The following RNF220 variants were observed in gnomAD, a reference collection of about 807,000 sequenced individuals.
RNF220 encodes the protein E3 ubiquitin-protein ligase RNF220.
RNF220 carries 7 observed loss-of-function variants against 67.1 expected under a neutral mutation model. The observed-to-expected ratio is 0.10, with a 90% CI of 0.06 to 0.20. RNF220 has a LOEUF of 0.20. RNF220 is among the 10% of genes least tolerant of loss of function. The pLI, the probability that RNF220 is intolerant of heterozygous loss-of-function variation, is 1.00. For missense variants in RNF220, 565 were observed against 740.3 expected (o/e 0.76, Z 2.75); for synonymous variants, 270 against 283.2 (o/e 0.95, Z 0.47).
At chr1:44,520,734 C>T (rs1659867387) in intron 2 of RNF220, among the ~76,000 whole-genome samples, 1 of 152,212 alleles carries the variant, frequency 6.6e-6, no homozygotes, top group African/African-American at 2.4e-5. Context: ...CTGTTTTTCT[C>T]ATCTGTTTCC....
At chr1:44,644,601 A>G in intron 8 of RNF220, 97 bp from the exon 9 acceptor site, 1 of 880,540 alleles carries the variant, frequency 1.1e-6, no homozygotes, top group East Asian at 2.4e-5. Flanking sequence ...TCTGGGCCTT[A>G]TCAGGTCCAA....
At chr1:44,619,880 C>T (rs1320511055) in intron 3 of RNF220, among the ~76,000 whole-genome samples, 1 of 152,066 alleles carries the variant, frequency 6.6e-6, no homozygotes, top group Non-Finnish European at 1.5e-5. Context: ...GGAGGGGGTC[C>T]CTTGCTCAGA....
chr1:44,646,646 C>T (rs571588640), intron 12 of RNF220, among the ~76,000 whole-genome samples: 2 of 152,294 alleles, frequency 1.3e-5, no homozygotes, highest in South Asian at 2.1e-4. Flanking sequence ...TCAGGGATGG[C>T]GCCCGAGGGG....
rs186833590 is a variant in RNF220 at position 44,594,487 on chromosome 1, G to C, written c.626-19678G>C. 2.8e-3 allele frequency among the ~76,000 whole-genome samples: 425 copies of C among 152,342 alleles called. 3 individuals carry two copies. The highest frequency in any genetic ancestry group is 9.6e-3 in the African/African-American group (400 of 41,580). ...GGCCTTGCAGGGAGAGTCTGGGAGA[G>C]CAGGGAGAGCCTGTTCTCAACTAGA... On this transcript the variant is annotated intron_variant, in intron 2 of 14. Coordinates refer to ENST00000361799, the MANE Select transcript of RNF220 (RefSeq NM_018150.4).
At chr1:44,521,876 G>GTGAATGAA (rs144215370) in intron 2 of RNF220, among the ~76,000 whole-genome samples, 15 of 151,938 alleles carry the variant, frequency 9.9e-5, no homozygotes, top group African/African-American at 2.4e-4. Context: ...GAATGAATGA[G>GTGAATGAA]TGAATGAATG....
chr1:44,629,614 G>T (rs75623405), intron 5 of RNF220, among the ~76,000 whole-genome samples: 1,914 of 152,258 alleles, frequency 0.013, 36 homozygotes, highest in African/African-American at 0.044. Context: ...AACGCAAGTG[G>T]ACTGCTTGAG....
At chr1:44,537,915 C>A (rs1039536046) in intron 2 of RNF220, among the ~76,000 whole-genome samples, 3 of 152,238 alleles carry the variant, frequency 2.0e-5, no homozygotes, top group Admixed American at 2.0e-4. Context: ...ATTCCTGGAT[C>A]TTCTTCCCAT....
At chr1:44,647,423 G>A (rs1019761437) in intron 12 of RNF220, among the ~76,000 whole-genome samples, 2 of 152,144 alleles carry the variant, frequency 1.3e-5, no homozygotes, top group African/African-American at 4.8e-5. Flanking sequence ...CCTGCTGTTC[G>A]GAGGCTTGTG....
At chr1:44,567,852 C>T (rs942829816) in intron 2 of RNF220, among the ~76,000 whole-genome samples, 5 of 152,072 alleles carry the variant, frequency 3.3e-5, no homozygotes, top group African/African-American at 9.7e-5. Context: ...AGAGGCTGTG[C>T]GAGTCCCTGC....
At chr1:44,424,537 G>C (rs570128064) in intron 2 of RNF220, among the ~76,000 whole-genome samples, 3 of 152,304 alleles carry the variant, frequency 2.0e-5, no homozygotes, top group African/African-American at 7.2e-5. Context: ...GCAGAAAGGG[G>C]AGTGAGGACT....
intron 2 of RNF220, among the ~76,000 whole-genome samples, chr1:44,544,928 T>C (rs1305105234): frequency 6.6e-6 from 1 of 152,078 alleles, no homozygotes; most frequent in Non-Finnish European, 1.5e-5. Context: ...CACAGGAAAA[T>C]GGTGAGAAGA....
chr1:44,560,419 C>T (rs146641133), intron 2 of RNF220, among the ~76,000 whole-genome samples: 21 of 152,158 alleles, frequency 1.4e-4, no homozygotes, highest in Non-Finnish European at 2.4e-4. Flanking sequence ...GAGGTAGAGT[C>T]GGTGGTGACC....
chr1:44,645,411 G>C lies in RNF220; in HGVS notation c.1368G>C (p.Glu456Asp), dbSNP rs373711880. 32 of 1,613,978 alleles carry C rather than the reference G, an allele frequency of 2.0e-5. No homozygotes were observed. The highest frequency in any genetic ancestry group is 2.1e-5 in the Non-Finnish European group (25 of 1,180,028). ...TGAGTTGCCCCTCTGTCCCAGCAGA[G>C]ATGCCATCCACCAGCAATGGTGAAA... The part of the protein sequence containing the change: ...TPEFSKWASD[E>D]MPSTSNGESS... The change falls in exon 12 of 15, where the codon GAG (glutamate) becomes GAC (aspartate). Residue 456 changes from glutamate to aspartate, a missense_variant and splice_region_variant. Transcript: ENST00000361799. This position sits in a 1 kb window ranked among gnomAD's most constrained non-coding sequence, Gnocchi z 5.0.
intron 2 of RNF220, among the ~76,000 whole-genome samples, chr1:44,482,038 G>A (rs1655866818): frequency 6.6e-6 from 1 of 152,202 alleles, no homozygotes. Context: ...GTCAGGCATT[G>A]CACCAGAAGT....
intron 2 of RNF220, among the ~76,000 whole-genome samples, chr1:44,598,728 A>G (rs928948767): frequency 7.9e-5 from 12 of 152,174 alleles, no homozygotes; most frequent in African/African-American, 2.9e-4. Flanking sequence ...TTATGTTCAC[A>G]TGGTCACTGG....
intron 2 of RNF220, among the ~76,000 whole-genome samples, chr1:44,605,102 C>A (rs960315200): frequency 6.6e-5 from 10 of 152,072 alleles, no homozygotes; most frequent in Non-Finnish European, 1.2e-4. Context: ...AGATCGAGAC[C>A]ATCCTGGCCA....
At chr1:44,557,950 A>G (rs1663250942) in intron 2 of RNF220, among the ~76,000 whole-genome samples, 1 of 152,224 alleles carries the variant, frequency 6.6e-6, no homozygotes, top group Admixed American at 6.5e-5. Flanking sequence ...AGGGTGGGAC[A>G]GAGTGCCACG....
intron 5 of RNF220, among the ~76,000 whole-genome samples, chr1:44,627,372 C>T (rs1010209642): frequency 2.2e-5 from 3 of 135,992 alleles, no homozygotes; most frequent in Non-Finnish European, 4.7e-5. Context: ...AAAAAAAAAG[C>T]GTGATACCTT....
At chr1:44,497,338 GACAC>G (rs10578430) in intron 2 of RNF220, among the ~76,000 whole-genome samples, 31,910 of 147,954 alleles carry the variant, frequency 0.22, 3,684 homozygotes, top group East Asian at 0.41. Context: ...CCCCTTCCCT[GACAC>G]ACACACACAC....
Sources: allele counts gnomAD v4.1 joint callset (sites outside exome capture counted in the v4.1 genomes callset), GRCh38; gene constraint gnomAD v4.1.1; non-coding constraint Gnocchi (gnomAD v3.1); transcripts MANE v1.5; gene names NCBI Gene and HGNC (gene_info 2026-07-23, HGNC 2026-07-21).